MROH2A: variants seen among roughly 807,000 people sequenced by gnomAD.
MROH2A encodes maestro heat like repeat family member 2A, also known as maestro heat-like repeat-containing protein family member 2A.
In MROH2A, 174 loss-of-function variants were observed where a neutral mutation model predicts 200.4. The observed-to-expected ratio is 0.87, with a 90% confidence interval of 0.77 to 0.98. The LOEUF is 0.98. MROH2A is among the 50% of genes least tolerant of loss of function. The pLI is 0.00. For synonymous variants in MROH2A, 829 were observed against 840.4 expected, an observed-to-expected ratio of 0.99 and a Z score of 0.23; for missense variants, 2,045 against 2,139.6, an observed-to-expected ratio of 0.96 and a Z score of 0.87.
chr2:233,794,310 C>T, intron 7 of MROH2A, 53 bp from the exon 8 acceptor site: 5 of 1,346,792 alleles, frequency 3.7e-6, no homozygotes, highest in Non-Finnish European at 5.2e-6. Context: ...AGGTCACTGG[C>T]CTTGCTGGAG....
At chr2:233,809,099 T>G (rs1702988117) in intron 21 of MROH2A, 27 bp from the exon 22 acceptor site, 1 of 1,538,442 alleles carries the variant, frequency 6.5e-7, no homozygotes, top group Admixed American at 2.0e-5. Flanking sequence ...CTGCCCCCAG[T>G]GGTTCTTTTT....
chr2:233,825,921 C>CTTTTTTTT (rs34849761), intron 35 of MROH2A, among the ~76,000 whole-genome samples: 15 of 95,250 alleles, frequency 1.6e-4, no homozygotes, highest in African/African-American at 4.1e-4. Flanking sequence ...TTTCTTTTTC[C>CTTTTTTTT]TTTTTTTTTT....
Position 233,792,786 on chromosome 2 carries a change from A to C in MROH2A, c.572-10A>C. 1.3e-6 allele frequency: 2 copies of C among 1,510,288 alleles called. No individual in the cohort carries two copies. Among genetic ancestry groups the C allele is most frequent in the Admixed American group, 2.0e-5 (1 of 50,950 alleles). 93.6% of individuals were successfully genotyped at this position (1,510,288 alleles called of 1,614,324 possible). ...CCAACTTCCTGTAATCATCCCTCACAACCTCACAGTGTTTGAGTTCATGCC... is the reference window on the plus strand; with the variant it reads ...CCAACTTCCTGTAATCATCCCTCACCACCTCACAGTGTTTGAGTTCATGCC... On this transcript the variant is annotated splice_polypyrimidine_tract_variant and intron_variant, in intron 5 of 41. Transcript: ENST00000389758.
chr2:233,806,354 T>C (rs1035220879), intron 19 of MROH2A, among the ~76,000 whole-genome samples: 7 of 152,278 alleles, frequency 4.6e-5, no homozygotes, highest in Non-Finnish European at 5.9e-5. Context: ...TGTTTTCTCA[T>C]CTCCAAAAAC....
chr2:233,804,201 C>A lies in MROH2A; in HGVS notation c.1891+9C>A. On this transcript the variant is annotated intron_variant, in intron 17 of 41. Transcript: ENST00000389758. ...GGTCCGGTACCTGGAAGGTGAGGTT[C>A]CTGGGGAGCCCATCCCAAGCCAACC... 1 of 1,550,240 alleles carries A rather than the reference C, an allele frequency of 6.5e-7. No homozygotes were observed. Among genetic ancestry groups the A allele is most frequent in the South Asian group, 1.2e-5 (1 of 84,040 alleles).
intron 23 of MROH2A, 112 bp from the exon 24 acceptor site, chr2:233,811,768 T>A: frequency 1.4e-6 from 1 of 716,408 alleles, no homozygotes; most frequent in East Asian, 2.8e-5. Context: ...ATGAAAGAGA[T>A]GTGGGGTGTT....
chr2:233,831,391 C>T lies in MROH2A; in HGVS notation c.4603-18C>T, dbSNP rs528295038. On this transcript the variant is annotated intron_variant, in intron 38 of 41. Coordinates refer to ENST00000389758, the MANE Select transcript of MROH2A (RefSeq NM_001394639.1). ...GTGGCCTGGCTGATGGCTCTGCTGC[C>T]GTCCTGTGTCCCTGCAGGCCTGTAT... 2.5e-5 allele frequency: 39 copies of T among 1,540,010 alleles called. No individual in the cohort carries two copies. The African/African-American group carries it at 3.4e-4, about 14-fold the overall frequency.
Position 233,779,790 on chromosome 2 carries a change from A to C in MROH2A, c.214A>C (p.Lys72Gln), listed in dbSNP as rs1161814244. The C allele has an allele frequency of 5.8e-6, 9 of 1,550,560 alleles. No homozygotes were observed. Among genetic ancestry groups the C allele is most frequent in the Non-Finnish European group, 8.7e-7 (1 of 1,146,998 alleles). Residue 72 changes from lysine to glutamine, a missense_variant, in exon 3 of 42, where the codon AAG becomes CAG. By Grantham distance (53) the Lys-to-Gln change is moderately conservative. Around this residue, in one of 3 missense-constraint regions of MROH2A, gnomAD observed 831 missense variants for 800.0 expected, o/e 1.04. Coordinates refer to ENST00000389758, the MANE Select transcript of MROH2A (RefSeq NM_001394639.1). The stretch of plus-strand genomic sequence containing the variant: ...CCTGGCCTCGGTGATAATCATGGAG[A>C]AGGCCACCACTGAGCCTTCTGTAGT... ...KTLASVIIME[K>Q]ATTEPSVVIN...
Position 233,833,372 on chromosome 2 carries a change from T to C in MROH2A, c.*113T>C. On this transcript the variant is annotated 3_prime_UTR_variant, in exon 42 of 42. Transcript: ENST00000389758. ...AAAAACACTATTGTAAAATAACTAG[T>C]ATCCTTTTGTTTCCTTCCGTTGAAA... 8.5e-7 allele frequency: 1 copy of C among 1,172,098 alleles called. No individual in the cohort carries two copies. The highest frequency in any genetic ancestry group is 1.2e-6 in the Non-Finnish European group (1 of 867,684). The allele number at this position is 1,172,098 out of a possible 1,614,324, so 72.6% of individuals were successfully genotyped here.
At chr2:233,801,747 C>T (rs1378505292) in intron 14 of MROH2A, among the ~76,000 whole-genome samples, 1 of 152,190 alleles carries the variant, frequency 6.6e-6, no homozygotes, top group Non-Finnish European at 1.5e-5. Flanking sequence ...GACTGAATGA[C>T]TAGGTACAGT....
intron 3 of MROH2A, among the ~76,000 whole-genome samples, chr2:233,781,814 C>T (rs1053295033): frequency 1.3e-5 from 2 of 152,062 alleles, no homozygotes; most frequent in Admixed American, 6.6e-5. Context: ...TTTCCTGGAG[C>T]ATTTCCCCAA....
intron 8 of MROH2A, 151 bp from the exon 9 acceptor site, chr2:233,795,502 A>C: frequency 8.2e-7 from 1 of 1,215,052 alleles, no homozygotes; most frequent in Non-Finnish European, 1.2e-6. Flanking sequence ...ATTCAGCAGG[A>C]CTGGGGTAGG....
intron 3 of MROH2A, among the ~76,000 whole-genome samples, chr2:233,788,119 TATAC>T (rs1319647115): frequency 2.7e-5 from 3 of 110,552 alleles, no homozygotes; most frequent in Non-Finnish European, 5.1e-5. Context: ...ATATATTATA[TATAC>T]ATATATATTT....
At chr2:233,813,581 A>C in intron 24 of MROH2A, 89 bp from the exon 25 acceptor site, 1 of 745,158 alleles carries the variant, frequency 1.3e-6, no homozygotes, top group Non-Finnish European at 2.3e-6. Flanking sequence ...CTCTTCTAGG[A>C]TGTGTTTCCG....
Position 233,823,607 on chromosome 2 carries a change from G to A in MROH2A, c.4056G>A (p.Val1352=). 2 of 1,550,450 alleles carry A rather than the reference G, an allele frequency of 1.3e-6. No homozygotes were observed. Among genetic ancestry groups the A allele is most frequent in the Admixed American group, 2.0e-5 (1 of 51,016 alleles). ...EGHRQRLAEL[V]LRGMDSEVLS... is the part of the protein sequence containing the mutation. ...ACAGGCAGAGGCTGGCCGAGCTGGT[G>A]CTCAGGGGCATGGACTCAGAAGTCC... The change falls in exon 35 of 42, where the codon GTG becomes GTA. Residue 1352 remains valine, a synonymous_variant. Transcript: ENST00000389758.
chr2:233,828,775 A>G lies in MROH2A; in HGVS notation c.4259A>G (p.Lys1420Arg). ...GGCAACATGGCCCTGGGCGCCCCCA[A>G]GAAGGTACTGTGCCTGGCCCTGGGC... ...ALGNMALGAP[K>R]KVKQYRKVLL... The change falls in exon 36 of 42, where the codon AAG (lysine) becomes AGG (arginine). Residue 1420 changes from lysine to arginine, a missense_variant. Lys to Arg is a conservative substitution (Grantham distance 26). Transcript: ENST00000389758. The surrounding 1 kb of genome is among the most constrained non-coding windows in gnomAD (Gnocchi z 4.6). The G allele has an allele frequency of 1.3e-6, 2 of 1,550,272 alleles. No homozygotes were observed. Among genetic ancestry groups the G allele is most frequent in the Non-Finnish European group, 1.7e-6 (2 of 1,146,830 alleles).
chr2:233,825,903 T>C (rs1368256858), intron 35 of MROH2A, among the ~76,000 whole-genome samples: 2 of 150,160 alleles, frequency 1.3e-5, no homozygotes, highest in African/African-American at 4.9e-5. Context: ...TATAAACACC[T>C]CTTTGTGTTT....
At chr2:233,832,902 G>T (rs1219638326) in intron 41 of MROH2A, among the ~76,000 whole-genome samples, 1 of 152,184 alleles carries the variant, frequency 6.6e-6, no homozygotes, top group Non-Finnish European at 1.5e-5. Flanking sequence ...GCCTGATGCT[G>T]CTATCAGGTT....
chr2:233,831,501 C>T lies in MROH2A; in HGVS notation c.4695C>T (p.Asp1565=), dbSNP rs1704748905. The change falls in exon 39 of 42, where the codon GAC becomes GAT. Residue 1565 remains aspartate, a synonymous_variant. Transcript: ENST00000389758. ...PSGPSDTATD[D]KMTVFQTTMC... ...GGCCAAGTGATACCGCTACTGATGA[C>T]AAGATGACCGTTTTCCAGACAACCA... 9.0e-6 allele frequency: 14 copies of T among 1,550,508 alleles called. No individual in the cohort carries two copies. The South Asian group carries it at 1.5e-4, about 17-fold the overall frequency.
Sources: gnomAD v4.1 joint callset for allele counts (sites outside exome capture counted in the v4.1 genomes callset) on GRCh38, gnomAD v4.1.1 for gene constraint, gnomAD v4.1.1 regional missense constraint, Gnocchi (gnomAD v3.1) non-coding constraint, MANE v1.5 for transcripts, NCBI Gene and HGNC (gene_info 2026-07-23, HGNC 2026-07-21) for gene names.